SI: variants seen among roughly 807,000 people sequenced by gnomAD.
SI encodes the protein sucrase-isomaltase.
SI carries 235 observed loss-of-function variants against 253.3 expected under a neutral mutation model. The ratio of observed to expected loss-of-function variants is 0.93; its 90% CI spans 0.83 to 1.03. The LOEUF is 1.03. SI is among the 50% of genes least tolerant of loss of function. The pLI is 0.00. For synonymous variants in SI, 819 were observed against 712.0 expected, an observed-to-expected ratio of 1.15 and a Z score of -2.39; for missense variants, 2,442 against 2,211.1, an observed-to-expected ratio of 1.10 and a Z score of -2.09.
At chr3:165,011,534 T>C (rs1381463024) in intron 34 of SI, among the ~76,000 whole-genome samples, 2 of 152,066 alleles carry the variant, frequency 1.3e-5, no homozygotes, top group African/African-American at 4.8e-5. Flanking sequence ...ATGTGATCAC[T>C]CTTAGAAAAT....
chr3:165,088,153 C>A, the SI span, among the ~76,000 whole-genome samples: 1 of 151,720 alleles, frequency 6.6e-6, no homozygotes, highest in Non-Finnish European at 1.5e-5. Context: ...CAAGACCCCC[C>A]TGGAGAACAT....
At chr3:165,007,854 C>T in intron 36 of SI, 57 bp downstream of exon 36, 1 of 706,062 alleles carries the variant, frequency 1.4e-6, no homozygotes, top group South Asian at 1.6e-5. Flanking sequence ...ATATTATATA[C>T]CTATTAATAT....
At position 165,022,768 on chromosome 3, in the gene SI, CAAACTT is replaced by C. The variant is rs1211357732; in HGVS notation, c.3099+796_3099+801del. Among the ~76,000 whole-genome samples, 5 of 151,634 alleles carry C rather than the reference CAAACTT, an allele frequency of 3.3e-5. No individual in the cohort carries two copies. The Admixed American group carries it at 3.3e-4, about 10-fold the overall frequency. On this transcript the variant is annotated intron_variant, in intron 26 of 47. Coordinates refer to ENST00000264382, the MANE Select transcript of SI (RefSeq NM_001041.4). ...ATTGCAAGGTGTTTATTTTTTCAGA[CAAACTT>C]AAAAGTTATTTTATGAAGTCTCAAA...
chr3:165,064,130 G>A (rs775382602), intron 7 of SI, among the ~76,000 whole-genome samples: 9 of 151,728 alleles, frequency 5.9e-5, no homozygotes, highest in Non-Finnish European at 8.8e-5. Context: ...GTCATGATAA[G>A]GTAATGGCAT....
chr3:165,062,534 GTAAT>G (rs747382660), intron 8 of SI, 51 bp from the exon 9 acceptor site: 64 of 877,376 alleles, frequency 7.3e-5, no homozygotes, highest in Non-Finnish European at 1.0e-4. Context: ...AAGGATTATA[GTAAT>G]TAATTGCAAA....
intron 3 of SI, among the ~76,000 whole-genome samples, chr3:165,072,814 C>T (rs551408975): frequency 2.1e-5 from 3 of 146,332 alleles, no homozygotes; most frequent in African/African-American, 7.5e-5. Flanking sequence ...GAATAAGATA[C>T]CATTTAAATG....
chr3:164,983,456 A>G (rs1379854729), intron 45 of SI, among the ~76,000 whole-genome samples: 1 of 152,234 alleles, frequency 6.6e-6, no homozygotes, highest in East Asian at 1.9e-4. Context: ...AAAGGAAAAA[A>G]GAACATGGTA....
intron 37 of SI, among the ~76,000 whole-genome samples, chr3:165,002,712 G>GTAATTAATTATT (rs1456712260): frequency 6.6e-6 from 1 of 151,528 alleles, no homozygotes; most frequent in East Asian, 1.9e-4. Context: ...CTTTATACAT[G>GTAATTAATTATT]TAATTAATTA....
chr3:165,054,372 AT>A (rs1300197869), intron 13 of SI, among the ~76,000 whole-genome samples: 9 of 151,154 alleles, frequency 6.0e-5, no homozygotes, highest in African/African-American at 9.7e-5. Flanking sequence ...AAACACTTGT[AT>A]TTTTTTTTCT....
At chr3:165,055,136 A>G (rs897093050) in intron 13 of SI, 58 bp downstream of exon 13, 1 of 972,312 alleles carries the variant, frequency 1.0e-6, no homozygotes, top group African/African-American at 1.6e-5. Flanking sequence ...AGTAATTTTT[A>G]CAGATAAATA....
chr3:164,998,603 A>T lies in SI; in HGVS notation c.4477T>A (p.Trp1493Arg). 6.2e-7 allele frequency: 1 copy of T among 1,611,800 alleles called. No individual in the cohort carries two copies. The highest frequency in any genetic ancestry group is 8.5e-7 in the Non-Finnish European group (1 of 1,178,410). ...SRSTYPTSGR[W>R]GGHWLGDNYA... ...TTGTCTCCAAGCCAGTGTCCTCCCC[A>T]TCGTCCACTAGTAGGATACGTGGAA... Residue 1493 changes from tryptophan to arginine, a missense_variant, in exon 38 of 48, where the codon TGG becomes AGG. Trp to Arg is a moderately radical substitution (Grantham distance 101). Coordinates refer to ENST00000264382, the MANE Select transcript of SI (RefSeq NM_001041.4).
Position 164,983,068 on chromosome 3 carries a change from A to G in SI, c.5198-17T>C, listed in dbSNP as rs200228089. The G allele has an allele frequency of 4.5e-4, 698 of 1,539,060 alleles. 1 individual carries two copies. Among genetic ancestry groups the G allele is most frequent in the Middle Eastern group, 3.5e-3 (20 of 5,746 alleles). ...CATAGGTGTCTGTAGAGAGAGAAAA[A>G]AAATGTGATATATTGTTATTTCCAA... is the stretch of plus-strand genomic sequence containing the variant. On this transcript the variant is annotated splice_polypyrimidine_tract_variant and intron_variant, in intron 45 of 47. Coordinates refer to ENST00000264382, the MANE Select transcript of SI (RefSeq NM_001041.4).
chr3:165,077,065 T>G (rs1194373937), intron 1 of SI, among the ~76,000 whole-genome samples: 1 of 151,252 alleles, frequency 6.6e-6, no homozygotes, highest in East Asian at 1.9e-4. Flanking sequence ...CTAAACACCT[T>G]TTTTTCCTTC....
chr3:165,024,459 C>T (rs998648142), intron 25 of SI, among the ~76,000 whole-genome samples: 1 of 151,008 alleles, frequency 6.6e-6, no homozygotes, highest in African/African-American at 2.4e-5. Flanking sequence ...TCTACATTTC[C>T]AATTTCCTTT....
intron 41 of SI, 106 bp downstream of exon 41, chr3:164,994,150 GA>G (rs1434371508): frequency 7.9e-6 from 8 of 1,011,054 alleles, no homozygotes; most frequent in Middle Eastern, 3.1e-4. Flanking sequence ...TATAACAATG[GA>G]AAAACTGCCA....
intron 1 of SI, among the ~76,000 whole-genome samples, chr3:165,077,569 AAAG>A (rs1715082568): frequency 6.6e-6 from 1 of 151,714 alleles, no homozygotes; most frequent in African/African-American, 2.4e-5. Flanking sequence ...AGTAATTTTC[AAAG>A]AAAATGAATG....
chr3:165,058,855 G>GACAC (rs1477283696), intron 12 of SI, 108 bp downstream of exon 12: 3 of 192,584 alleles, frequency 1.6e-5, no homozygotes, highest in South Asian at 8.5e-5. Context: ...CTTGAAAGCA[G>GACAC]ACATACACAC....
chr3:165,010,936 G>C (rs766890138), intron 34 of SI, among the ~76,000 whole-genome samples: 2 of 152,104 alleles, frequency 1.3e-5, no homozygotes, highest in African/African-American at 2.4e-5. Flanking sequence ...CAATGACATA[G>C]TTCAGTAGGT....
chr3:165,040,080 A>C (rs1712739012), intron 18 of SI, 109 bp from the exon 19 acceptor site: 1 of 843,670 alleles, frequency 1.2e-6, no homozygotes, highest in Non-Finnish European at 2.0e-6. Context: ...TGTTATCTTG[A>C]ATTGTGCTTG....
Sources: allele counts gnomAD v4.1 joint callset (sites outside exome capture counted in the v4.1 genomes callset), GRCh38; gene constraint gnomAD v4.1.1; transcripts MANE v1.5; gene names NCBI Gene and HGNC (gene_info 2026-07-23, HGNC 2026-07-21).